ARFGEF2: variants seen among roughly 807,000 people sequenced by gnomAD.
ARFGEF2 encodes the protein ARF guanine nucleotide exchange factor 2.
Under a neutral mutation model 219.9 loss-of-function variants are expected in ARFGEF2, and 74 were observed. The observed-to-expected ratio is 0.34, with a 90% CI of 0.28 to 0.41. ARFGEF2 has a LOEUF of 0.41. Ranked by LOEUF, ARFGEF2 falls within the 10% of genes least tolerant of loss-of-function variation. The probability of loss-of-function intolerance (pLI) is 1.00; values close to 1 mark genes in which losing one functional copy is unlikely to be tolerated. For synonymous variants in ARFGEF2, 733 were observed against 799.2 expected (o/e 0.92, Z 1.40); for missense variants, 1,743 against 2,218.3 (o/e 0.79, Z 4.30).
intron 7 of ARFGEF2, among the ~76,000 whole-genome samples, chr20:48,965,058 T>C (rs960335514): frequency 5.9e-5 from 9 of 152,230 alleles, no homozygotes; most frequent in Admixed American, 1.3e-4. Flanking sequence ...GCTATATACA[T>C]ATTCTATTAT....
intron 20 of ARFGEF2, among the ~76,000 whole-genome samples, chr20:48,990,638 T>C (rs577359265): frequency 1.3e-5 from 2 of 152,236 alleles, no homozygotes; most frequent in Non-Finnish European, 2.9e-5. Flanking sequence ...TCCAACCATG[T>C]GACATTGGCT....
At position 48,926,969 on chromosome 20, in the gene ARFGEF2, C is replaced by T. The variant is rs534412415; in HGVS notation, c.121+4959C>T. Among the ~76,000 whole-genome samples the T allele has an allele frequency of 4.1e-4, 62 of 152,110 alleles. 4 individuals carry two copies. In the South Asian group the frequency reaches 0.012, roughly 29 times the overall value. ...TAGGATGTGGATGGGTCATTGGTGA[C>T]CTTAGCTTGAGCTTTTTTGATGCTG... On this transcript the variant is annotated intron_variant, in intron 1 of 38. Transcript: ENST00000371917.
intron 14 of ARFGEF2, among the ~76,000 whole-genome samples, chr20:48,983,874 A>G (rs2091310884): frequency 6.6e-6 from 1 of 152,144 alleles, no homozygotes; most frequent in African/African-American, 2.4e-5. Flanking sequence ...CTGGTAAATA[A>G]TAAGTTGAGT....
chr20:49,032,798 G>A (rs1033685092), intron 38 of ARFGEF2, among the ~76,000 whole-genome samples: 2 of 151,978 alleles, frequency 1.3e-5, no homozygotes, highest in African/African-American at 4.8e-5. Flanking sequence ...TCACCGTGTT[G>A]CCTAGGCTGG....
chr20:49,006,939 C>G (rs2091464526), intron 26 of ARFGEF2, among the ~76,000 whole-genome samples: 1 of 151,864 alleles, frequency 6.6e-6, no homozygotes. Flanking sequence ...CTGGGCCTCC[C>G]AAAGTGCTGG....
At chr20:48,985,354 G>T in intron 15 of ARFGEF2, 54 bp from the exon 16 acceptor site, 2 of 1,591,334 alleles carry the variant, frequency 1.3e-6, no homozygotes, top group Non-Finnish European at 1.7e-6. Flanking sequence ...GCTGGCTTTT[G>T]CTGAGGGTTC....
intron 21 of ARFGEF2, among the ~76,000 whole-genome samples, chr20:48,991,838 A>G (rs1204844618): frequency 2.6e-5 from 4 of 152,040 alleles, no homozygotes; most frequent in Admixed American, 1.3e-4. Context: ...AATGTTGTGG[A>G]AAAAAAAGAC....
At position 48,921,799 on chromosome 20, in the gene ARFGEF2, T is replaced by G. The variant is rs2090841276; in HGVS notation, c.-91T>G. On this transcript the variant is annotated 5_prime_UTR_variant, in exon 1 of 39. Coordinates refer to ENST00000371917, the MANE Select transcript of ARFGEF2 (RefSeq NM_006420.3). ...GGGCGGCGCGGACGGACGCGGCCGG[T>G]GCCGGCCGGGACGCCGGGCCCGCAG... is the stretch of plus-strand genomic sequence containing the variant. The G allele has an allele frequency of 3.3e-6, 4 of 1,209,958 alleles. No homozygotes were observed. Among genetic ancestry groups the G allele is most frequent in the African/African-American group, 1.6e-5 (1 of 61,460 alleles). The allele number at this position is 1,209,958 out of a possible 1,614,324, so 75.0% of individuals were successfully genotyped here. A position where few individuals can be genotyped will look rare whatever the true frequency, so the allele number is the denominator to read the frequency against.
rs1057161589 is a variant in ARFGEF2 at position 48,985,286 on chromosome 20, C to T, written c.2071-122C>T. Reference sequence around the variant, plus strand: ...GTCAGGGAGTTCCCTAGCTTTTTTACCAGTCCAGCCTATTCTGGGCAGTTA... The same window carrying T: ...GTCAGGGAGTTCCCTAGCTTTTTTATCAGTCCAGCCTATTCTGGGCAGTTA... On this transcript the variant is annotated intron_variant, in intron 15 of 38. Coordinates refer to ENST00000371917, the MANE Select transcript of ARFGEF2 (RefSeq NM_006420.3). 22 of 1,039,144 alleles carry T rather than the reference C, an allele frequency of 2.1e-5. 1 individual carries two copies. The highest frequency in any genetic ancestry group is 2.8e-4 in the Middle Eastern group (1 of 3,594). 64.4% of individuals were successfully genotyped at this position (1,039,144 alleles called of 1,614,324 possible). A position where few individuals can be genotyped will look rare whatever the true frequency, so the allele number is the denominator to read the frequency against.
chr20:48,957,521 A>G (rs1259815436), intron 6 of ARFGEF2, among the ~76,000 whole-genome samples: 1 of 152,232 alleles, frequency 6.6e-6, no homozygotes, highest in African/African-American at 2.4e-5. Flanking sequence ...TGGTGGTGAT[A>G]TCCCAGGGAA....
In ARFGEF2 at chr20:48,941,200, T is replaced by C. The variant is rs767762884; in HGVS notation, c.123T>C (p.Asp41=). 1 of 1,613,260 alleles carries C rather than the reference T, an allele frequency of 6.2e-7. No individual in the cohort carries two copies. Residue 41 remains aspartate (D), a splice_region_variant and synonymous_variant, in exon 2 of 39, where the codon GAT becomes GAC. Coordinates refer to ENST00000371917, the MANE Select transcript of ARFGEF2 (RefSeq NM_006420.3). The part of the protein sequence containing the change: ...QLRRACQVAL[D]EIKAEIEKQR... ...TGTTTTTTCTTCCTTCCTTACCAGA[T>C]GAAATTAAAGCAGAAATAGAAAAGC...
chr20:48,926,400 A>G (rs183196091), intron 1 of ARFGEF2, among the ~76,000 whole-genome samples: 1 of 152,314 alleles, frequency 6.6e-6, no homozygotes, highest in Admixed American at 6.5e-5. Context: ...TAATGGAAAG[A>G]AGGAAATGAG....
chr20:48,926,319 A>G (rs1876343128), intron 1 of ARFGEF2, among the ~76,000 whole-genome samples: 2 of 152,216 alleles, frequency 1.3e-5, no homozygotes, highest in African/African-American at 4.8e-5. Context: ...GAAAGCCTTG[A>G]GTCAAAAAGA....
Position 48,991,219 on chromosome 20 carries a change from C to G in ARFGEF2, c.2973+21C>G, listed in dbSNP as rs199878164. On this transcript the variant is annotated intron_variant, in intron 21 of 38. Coordinates refer to ENST00000371917, the MANE Select transcript of ARFGEF2 (RefSeq NM_006420.3). ...ATGAGGTACGTGTCTCTTTGAATTG[C>G]CTTTTCTCAGTTAGGATGACTCCTG... 9.1e-4 allele frequency: 1,470 copies of G among 1,614,058 alleles called. 9 individuals carry two copies. The highest frequency in any genetic ancestry group is 3.5e-3 in the South Asian group (317 of 91,076).
In ARFGEF2 at chr20:48,984,772, C is replaced by T; in HGVS notation, c.2002C>T (p.Gln668Ter). The T allele has an allele frequency of 6.2e-7, 1 of 1,613,786 alleles. No homozygotes were observed. Among genetic ancestry groups the T allele is most frequent in the Non-Finnish European group, 8.5e-7 (1 of 1,180,036 alleles). ...GAGGGGGATCCAGTTTCTCCAGGAG[C>T]AGGGCATGCTGGGAACGTCAGTTGA... ...PKRGIQFLQE[Q>*]GMLGTSVEDI... Residue 668 changes from glutamine to a stop codon, truncating the protein, a stop_gained, in exon 15 of 39, where the codon CAG (glutamine) becomes TAG (stop). Transcript: ENST00000371917. LOFTEE classifies it high-confidence loss of function.
Position 48,989,265 on chromosome 20 carries a change from A to G in ARFGEF2, c.2534-20A>G, listed in dbSNP as rs890599712. ...CCCTCAGTGACTGCTAGCCACACCT[A>G]TCATGCTCTTACTTTACAGATGTAG... is the stretch of plus-strand genomic sequence containing the variant. On this transcript the variant is annotated intron_variant, in intron 18 of 38. Coordinates refer to ENST00000371917, the MANE Select transcript of ARFGEF2 (RefSeq NM_006420.3). 5.6e-6 allele frequency: 9 copies of G among 1,614,114 alleles called. No homozygotes were observed. The highest frequency in any genetic ancestry group is 1.7e-4 in the Middle Eastern group (1 of 6,036).
intron 8 of ARFGEF2, 125 bp from the exon 9 acceptor site, chr20:48,969,022 G>T: frequency 1.2e-6 from 1 of 862,266 alleles, no homozygotes. Context: ...GTGCAATGGT[G>T]CCATCATGGC....
chr20:48,950,425 A>C (rs181284236), intron 3 of ARFGEF2, among the ~76,000 whole-genome samples: 8 of 152,224 alleles, frequency 5.3e-5, no homozygotes, highest in Admixed American at 5.2e-4. Context: ...ATTGAAAGAA[A>C]ATACATATTC....
chr20:49,022,045 C>T (rs2091567956), intron 34 of ARFGEF2, among the ~76,000 whole-genome samples: 1 of 146,904 alleles, frequency 6.8e-6, no homozygotes. Flanking sequence ...CTACCAGCTA[C>T]TTGGGAGGCT....
Sources: allele counts gnomAD v4.1 joint callset (sites outside exome capture counted in the v4.1 genomes callset), GRCh38; gene constraint gnomAD v4.1.1; transcripts MANE v1.5; gene names NCBI Gene and HGNC (gene_info 2026-07-23, HGNC 2026-07-21).